Variants in CNTNAP2 observed in about 807,000 individuals in gnomAD.
The protein encoded by CNTNAP2 is contactin associated protein 2.
A neutral mutation model predicts 155.2 loss-of-function variants in CNTNAP2; 98 were observed. The ratio of observed to expected loss-of-function variants is 0.63; its 90% CI spans 0.54 to 0.75. The LOEUF is 0.75. CNTNAP2 is among the 30% of genes least tolerant of loss of function. The pLI is 0.00. For synonymous variants in CNTNAP2, 651 were observed against 631.2 expected (o/e 1.03, Z -0.47); for missense variants, 1,727 against 1,688.1 (o/e 1.02, Z -0.40).
chr7:147,167,251 T>C (rs1057112136), intron 8 of CNTNAP2: 4 of 381,460 alleles, frequency 1.0e-5, no homozygotes, highest in Non-Finnish European at 9.3e-6. Flanking sequence ...TATTAACTGG[T>C]CAATTTTGAT....
chr7:148,394,786 G>C (rs747654927), intron 22 of CNTNAP2, among the ~76,000 whole-genome samples: 7 of 152,192 alleles, frequency 4.6e-5, no homozygotes, highest in African/African-American at 1.7e-4. Context: ...CTGATGCAGC[G>C]GGTCCCTGGA....
intron 1 of CNTNAP2, among the ~76,000 whole-genome samples, chr7:146,142,415 A>G (rs1797894246): frequency 6.6e-6 from 1 of 152,214 alleles, no homozygotes; most frequent in South Asian, 2.1e-4. Flanking sequence ...CACAGGCATG[A>G]TGATCCCTAA....
chr7:147,681,795 A>AAG (rs150632064), intron 13 of CNTNAP2, among the ~76,000 whole-genome samples: 64 of 150,024 alleles, frequency 4.3e-4, no homozygotes, highest in South Asian at 1.0e-3. Flanking sequence ...AGTATTTTGC[A>AAG]AGAGAGAGAG....
At chr7:147,558,296 A>G (rs1799989790) in intron 11 of CNTNAP2, among the ~76,000 whole-genome samples, 1 of 152,162 alleles carries the variant, frequency 6.6e-6, no homozygotes, top group Non-Finnish European at 1.5e-5. Context: ...GTGGCATTCT[A>G]ACCTTATCAT....
intron 9 of CNTNAP2, among the ~76,000 whole-genome samples, chr7:147,303,707 G>C (rs1001792567): frequency 2.0e-5 from 3 of 152,082 alleles, no homozygotes; most frequent in Non-Finnish European, 4.4e-5. Context: ...CTATTAAATG[G>C]CAATAGAATC....
intron 3 of CNTNAP2, among the ~76,000 whole-genome samples, chr7:146,934,935 C>G (rs1796878762): frequency 6.6e-6 from 1 of 152,176 alleles, no homozygotes; most frequent in African/African-American, 2.4e-5. Context: ...ATTTGACAAA[C>G]TCAGAGAAAA....
At chr7:147,570,708 G>A (rs1241130795) in intron 12 of CNTNAP2, among the ~76,000 whole-genome samples, 1 of 152,170 alleles carries the variant, frequency 6.6e-6, no homozygotes, top group Non-Finnish European at 1.5e-5. Flanking sequence ...TTTTGATGAT[G>A]AAACTAGAGC....
intron 2 of CNTNAP2, among the ~76,000 whole-genome samples, chr7:146,804,350 C>G (rs573900276): frequency 6.6e-6 from 1 of 152,246 alleles, no homozygotes; most frequent in South Asian, 2.1e-4. Context: ...ATTCTGTCAT[C>G]AGGATTCCAA....
Position 147,914,390 on chromosome 7 carries a change from A to C in CNTNAP2, c.2255+10669A>C, listed in dbSNP as rs369602435. ...ACCCTATGTCTACTAAAAATACAAA[A>C]TTAGTCAGGCATAGTGGCACATACC... On this transcript the variant is annotated intron_variant, in intron 14 of 23. Coordinates refer to ENST00000361727, the MANE Select transcript of CNTNAP2 (RefSeq NM_014141.6). Among the ~76,000 whole-genome samples the C allele has an allele frequency of 1.2e-4, 18 of 152,080 alleles. 1 individual carries two copies. Among genetic ancestry groups the C allele is most frequent in the Middle Eastern group, 6.8e-3 (2 of 294 alleles).
chr7:146,609,932 TAA>T (rs1257113898), intron 1 of CNTNAP2, among the ~76,000 whole-genome samples: 4 of 152,146 alleles, frequency 2.6e-5, no homozygotes, highest in African/African-American at 9.7e-5. Flanking sequence ...GGTAGATAAG[TAA>T]ATAATGGTCT....
chr7:148,054,935 T>G (rs1266219984), intron 15 of CNTNAP2, among the ~76,000 whole-genome samples: 1 of 149,084 alleles, frequency 6.7e-6, no homozygotes, highest in Non-Finnish European at 1.5e-5. Context: ...CAGGCTGGAG[T>G]GTAGTACCAC....
At chr7:148,215,505 AG>A in intron 18 of CNTNAP2, among the ~76,000 whole-genome samples, 1 of 102,744 alleles carries the variant, frequency 9.7e-6, no homozygotes, top group East Asian at 3.2e-4. Flanking sequence ...TCCATTTCTC[AG>A]GGCTTTCTTT....
chr7:146,930,708 A>G lies in CNTNAP2; in HGVS notation c.402+90804A>G, dbSNP rs558634824. On this transcript the variant is annotated intron_variant, in intron 3 of 23. Coordinates refer to ENST00000361727, the MANE Select transcript of CNTNAP2 (RefSeq NM_014141.6). ...GGAAACCCATCTCACATGCAGAGACACACATAGGCTCAAAATAAAAGGATG... is the reference window on the plus strand; with the variant it reads ...GGAAACCCATCTCACATGCAGAGACGCACATAGGCTCAAAATAAAAGGATG... 3.9e-5 allele frequency among the ~76,000 whole-genome samples: 6 copies of G among 152,296 alleles called. No individual in the cohort carries two copies. In the South Asian group the frequency reaches 1.2e-3, roughly 32 times the overall value.
At chr7:147,596,610 CT>C (rs1563014286) in intron 12 of CNTNAP2, among the ~76,000 whole-genome samples, 1 of 152,078 alleles carries the variant, frequency 6.6e-6, no homozygotes, top group East Asian at 1.9e-4. Flanking sequence ...TTCATTCAGC[CT>C]TTTGTTTTTT....
intron 8 of CNTNAP2, among the ~76,000 whole-genome samples, chr7:147,173,798 C>T (rs1054077931): frequency 2.0e-5 from 3 of 152,070 alleles, no homozygotes; most frequent in African/African-American, 4.8e-5. Flanking sequence ...CATTGCATCC[C>T]GGGAAGCAAG....
intron 15 of CNTNAP2, among the ~76,000 whole-genome samples, chr7:148,002,583 C>T (rs1044156203): frequency 6.6e-6 from 1 of 151,898 alleles, no homozygotes; most frequent in Non-Finnish European, 1.5e-5. Context: ...CTCTAGTTAG[C>T]CTGTAAAATT....
At chr7:147,250,407 G>A (rs1804171278) in intron 8 of CNTNAP2, among the ~76,000 whole-genome samples, 1 of 152,118 alleles carries the variant, frequency 6.6e-6, no homozygotes, top group Admixed American at 6.6e-5. Flanking sequence ...AAATGCAGAT[G>A]GAGATTCCGA....
chr7:147,392,286 G>T (rs1584920485), intron 9 of CNTNAP2, among the ~76,000 whole-genome samples: 1 of 150,258 alleles, frequency 6.7e-6, no homozygotes, highest in Admixed American at 6.7e-5. Context: ...TCAGGTTTCT[G>T]TTATAATTCT....
chr7:147,423,225 C>A (rs182077324), intron 10 of CNTNAP2, among the ~76,000 whole-genome samples: 2 of 152,268 alleles, frequency 1.3e-5, no homozygotes, highest in African/African-American at 4.8e-5. Context: ...AAATTAGGTT[C>A]TTGTGAAATA....
Sources: allele counts gnomAD v4.1 joint callset (sites outside exome capture counted in the v4.1 genomes callset), GRCh38; gene constraint gnomAD v4.1.1; transcripts MANE v1.5; gene names NCBI Gene and HGNC (gene_info 2026-07-23, HGNC 2026-07-21).